Variants in MUC4 observed in about 807,000 individuals in gnomAD.
The protein encoded by MUC4 is mucin-4.
A neutral mutation model predicts 257.9 loss-of-function variants in MUC4; 202 were observed. The ratio of observed to expected loss-of-function variants is 0.78; its 90% CI spans 0.70 to 0.88. The LOEUF (loss-of-function observed/expected upper bound fraction) is 0.88. Among genes scored for constraint, MUC4 ranks in the 40% least tolerant of loss-of-function variants. MUC4 has a pLI of 0.00. For missense variants in MUC4, 5,976 were observed against 6,513.7 expected (o/e 0.92, Z 2.84); for synonymous variants, 2,351 against 2,757.1 (o/e 0.85, Z 4.62).
In MUC4 at chr3:195,790,161, T is replaced by C. The variant is rs1235675602; in HGVS notation, c.1419A>G (p.Pro473=). 7.4e-6 allele frequency: 12 copies of C among 1,613,916 alleles called. No homozygotes were observed. The Admixed American group carries it at 2.0e-4, about 27-fold the overall frequency. Residue 473 remains proline, a synonymous_variant, in exon 2 of 25, where the codon CCA becomes CCG. Coordinates refer to ENST00000463781, the MANE Select transcript of MUC4 (RefSeq NM_018406.7). Reference sequence around the variant, plus strand: ...GAGTAAATATTTCTTGAGACACACCTGGAGAGAATGAGCTCCTCTCATGAG... The same window carrying C: ...GAGTAAATATTTCTTGAGACACACCCGGAGAGAATGAGCTCCTCTCATGAG... ...GRPHERSSFS[P]GVSQEIFTLH... is the part of the protein sequence containing the mutation.
chr3:195,804,583 C>T (rs1397175062), intron 1 of MUC4, among the ~76,000 whole-genome samples: 1 of 152,246 alleles, frequency 6.6e-6, no homozygotes, highest in African/African-American at 2.4e-5. Flanking sequence ...ACCCGTAAGC[C>T]GTATCGCCAC....
chr3:195,761,646 C>G (rs761111936), intron 14 of MUC4, 61 bp from the exon 15 acceptor site: 1 of 1,334,142 alleles, frequency 7.5e-7, no homozygotes, highest in Non-Finnish European at 1.1e-6. Flanking sequence ...TCCTGGGGAG[C>G]ATCCGGCGGA....
In MUC4 at chr3:195,778,827, T is replaced by A. The variant is rs747285719; in HGVS notation, c.12753A>T (p.Thr4251=). 3.7e-6 allele frequency: 6 copies of A among 1,612,174 alleles called. No homozygotes were observed. The African/African-American group carries it at 8.0e-5, about 22-fold the overall frequency. Residue 4251 remains threonine, a synonymous_variant, in exon 2 of 25, where the codon ACA becomes ACT. Coordinates refer to ENST00000463781, the MANE Select transcript of MUC4 (RefSeq NM_018406.7). The part of the protein sequence containing the change: ...LAVSSATSAS[T]VSSDSPLKME... Reference sequence around the variant, plus strand: ...TCTTCAGAGGGGAGTCCGAGGATACTGTGGAAGCTGAGGTAGCACTGCTGA... The same window carrying A: ...TCTTCAGAGGGGAGTCCGAGGATACAGTGGAAGCTGAGGTAGCACTGCTGA...
Position 195,762,234 on chromosome 3 carries a change from T to C in MUC4, c.14365A>G (p.Thr4789Ala). 6.3e-7 allele frequency: 1 copy of C among 1,587,532 alleles called. No individual in the cohort carries two copies. The highest frequency in any genetic ancestry group is 8.6e-7 in the Non-Finnish European group (1 of 1,167,496). ...DGGGQETFNA[T>A]GVLLSRNGSE... ...CCGTTGCGGCTCAGGAGGACTCCGGTGGCGTTGAACGTCTCCTGGCCTGGA... is the reference window on the plus strand; with the variant it reads ...CCGTTGCGGCTCAGGAGGACTCCGGCGGCGTTGAACGTCTCCTGGCCTGGA... Residue 4789 changes from threonine to alanine, a missense_variant, in exon 14 of 25, where the codon ACC becomes GCC. By Grantham distance (58) the Thr-to-Ala change is moderately conservative. This residue lies in a region of MUC4 where 996 missense variants were observed against 1,137.3 expected (regional missense o/e 0.88). Coordinates refer to ENST00000463781, the MANE Select transcript of MUC4 (RefSeq NM_018406.7).
In MUC4 at chr3:195,746,916, G is replaced by T. The variant is rs568062164; in HGVS notation, c.*260C>A. The T allele has an allele frequency of 1.7e-6, 1 of 588,386 alleles. No homozygotes were observed. The highest frequency in any genetic ancestry group is 2.2e-5 in the South Asian group (1 of 46,194). The allele number at this position is 588,386 out of a possible 1,614,324, so 36.4% of individuals were successfully genotyped here. The stretch of plus-strand genomic sequence containing the variant: ...TGTGTGTGTGTGTGTGCACGCGCGC[G>T]TGCACAGGCTAGTGTCCTTCTGTGG... On this transcript the variant is annotated 3_prime_UTR_variant, in exon 25 of 25. Transcript: ENST00000463781.
Position 195,783,097 on chromosome 3 carries a change from C to A in MUC4, c.8483G>T (p.Gly2828Val), listed in dbSNP as rs761700619. The A allele has an allele frequency of 4.8e-5, 34 of 704,510 alleles. 5 individuals are homozygous for A. In the Admixed American group the frequency reaches 7.7e-4, roughly 16 times the overall value. The allele number at this position is 704,510 out of a possible 1,614,324, so 43.6% of individuals were successfully genotyped here. A position where few individuals can be genotyped will look rare whatever the true frequency, so the allele number is the denominator to read the frequency against. ...GGTGACAGGAAGAGAGGTGGCATGA[C>A]CTGTGAACACTGAGGAAGCGTCGGT... ...PVTDASSVFT[G>V]HATSLPVTIP... Residue 2828 changes from glycine (G) to valine (V), a missense_variant, in exon 2 of 25, where the codon GGT (glycine) becomes GTT (valine). By Grantham distance (109) the Gly-to-Val change is moderately radical (BLOSUM62 -3). Coordinates refer to ENST00000463781, the MANE Select transcript of MUC4 (RefSeq NM_018406.7).
At chr3:195,762,800 G>T in intron 13 of MUC4, 55 bp downstream of exon 13, 2 of 1,040,814 alleles carry the variant, frequency 1.9e-6, no homozygotes, top group Non-Finnish European at 1.3e-6. Flanking sequence ...GCGGCTTCCC[G>T]CCCACCTCGC....
intron 1 of MUC4, among the ~76,000 whole-genome samples, chr3:195,793,324 C>A (rs1210050974): frequency 6.6e-6 from 1 of 151,700 alleles, no homozygotes; most frequent in Non-Finnish European, 1.5e-5. Flanking sequence ...TGGCAAAACC[C>A]CGTCTCTACT....
chr3:195,805,739 T>G (rs1218994871), intron 1 of MUC4, among the ~76,000 whole-genome samples: 2 of 150,560 alleles, frequency 1.3e-5, no homozygotes, highest in African/African-American at 4.9e-5. Flanking sequence ...TCAAGTGATC[T>G]GCCCGCTTCA....
At chr3:195,753,956 T>G in intron 19 of MUC4, 1 of 422,054 alleles carries the variant, frequency 2.4e-6, no homozygotes, top group East Asian at 3.8e-5. Flanking sequence ...CCCAGCCCCG[T>G]CCCCTCCCCT....
intron 21 of MUC4, chr3:195,751,628 C>T (rs777719667): frequency 7.1e-5 from 20 of 282,244 alleles, no homozygotes; most frequent in South Asian, 1.2e-4. Flanking sequence ...AGGAGATGGT[C>T]GGGGCTGGGG....
In MUC4 at chr3:195,788,596, A is replaced by G; in HGVS notation, c.2984T>C (p.Val995Ala). 3.2e-6 allele frequency: 5 copies of G among 1,578,648 alleles called. No individual in the cohort carries two copies. Among genetic ancestry groups the G allele is most frequent in the Non-Finnish European group, 4.3e-6 (5 of 1,161,340 alleles). The part of the protein sequence containing the change: ...ASTGHTTPLH[V>A]TDASSVSTGH... Reference sequence around the variant, plus strand: ...TGTGGATACTGAGGAAGCATCGGTGACATGAAGAGGGGTGGTGTGACCTGT... The same window carrying G: ...TGTGGATACTGAGGAAGCATCGGTGGCATGAAGAGGGGTGGTGTGACCTGT... Residue 995 changes from valine to alanine, a missense_variant, in exon 2 of 25, where the codon GTC becomes GCC. Transcript: ENST00000463781.
intron 7 of MUC4, among the ~76,000 whole-genome samples, chr3:195,766,978 C>T (rs1053333831): frequency 1.3e-5 from 2 of 152,132 alleles, no homozygotes; most frequent in African/African-American, 2.4e-5. Context: ...CACATCTGAT[C>T]GCTAGCTGCA....
chr3:195,751,688 G>C (rs1716478668), intron 21 of MUC4: 1 of 280,564 alleles, frequency 3.6e-6, no homozygotes, highest in African/African-American at 2.2e-5. Context: ...GCATTGTCTG[G>C]CGCAGGTGAC....
Position 195,780,521 on chromosome 3 carries a change from A to T in MUC4, c.11059T>A (p.Ser3687Thr). 1.0e-6 allele frequency: 1 copy of T among 1,004,340 alleles called. No individual in the cohort carries two copies. 62.2% of individuals were successfully genotyped at this position (1,004,340 alleles called of 1,614,324 possible). ...GTGGCCTGACCTGTGGATGCTGAGG[A>T]AGTGTCCGTGACAGGAAGACGGGTG... ...DTTRLPVTDT[S>T]SASTGQATPL... The change falls in exon 2 of 25, where the codon TCC becomes ACC. Residue 3687 changes from serine to threonine, a missense_variant. Ser to Thr is a moderately conservative substitution (Grantham distance 58). Around this residue, in one of 44 missense-constraint regions of MUC4, gnomAD observed 330 missense variants for 262.0 expected, o/e 1.26. Coordinates refer to ENST00000463781, the MANE Select transcript of MUC4 (RefSeq NM_018406.7).
intron 1 of MUC4, 26 bp from the exon 2 acceptor site, chr3:195,791,523 A>G (rs1385439761): frequency 6.8e-7 from 1 of 1,479,942 alleles, no homozygotes; most frequent in East Asian, 2.3e-5. Context: ...ATAGGCAAGC[A>G]GAGAGCTAAA....
In MUC4 at chr3:195,780,421, G is replaced by A. The variant is rs1727031090; in HGVS notation, c.11159C>T (p.Ser3720Leu). Residue 3720 changes from serine to leucine, a missense_variant, in exon 2 of 25, where the codon TCA becomes TTA. By Grantham distance (145) the Ser-to-Leu change is moderately radical. Around this residue, in one of 44 missense-constraint regions of MUC4, gnomAD observed 330 missense variants for 262.0 expected, o/e 1.26. Transcript: ENST00000463781. Reference sequence around the variant, plus strand: ...AGGGGTGACGTGACCTGTAGATACTGAGGAAGTGCTGGTGACAGGAAGAGG... The same window carrying A: ...AGGGGTGACGTGACCTGTAGATACTAAGGAAGTGCTGGTGACAGGAAGAGG... ...TTPLPVTSTS[S>L]VSTGHVTPLH... 6.5e-7 allele frequency: 1 copy of A among 1,543,116 alleles called. No homozygotes were observed. Among genetic ancestry groups the A allele is most frequent in the Non-Finnish European group, 8.7e-7 (1 of 1,146,984 alleles).
At chr3:195,798,683 GAC>G (rs1421965543) in intron 1 of MUC4, among the ~76,000 whole-genome samples, 1 of 151,852 alleles carries the variant, frequency 6.6e-6, no homozygotes, top group African/African-American at 2.4e-5. Context: ...CTGCCTGGGT[GAC>G]AGAGTGAGAC....
At chr3:195,804,179 GCT>G (rs1252313896) in intron 1 of MUC4, among the ~76,000 whole-genome samples, 2 of 152,202 alleles carry the variant, frequency 1.3e-5, no homozygotes, top group Non-Finnish European at 2.9e-5. Context: ...GTCCTTGAAG[GCT>G]CTGTCAAGCC....
Sources: gnomAD v4.1 joint callset for allele counts (sites outside exome capture counted in the v4.1 genomes callset) on GRCh38, gnomAD v4.1.1 for gene constraint, gnomAD v4.1.1 regional missense constraint, MANE v1.5 for transcripts, NCBI Gene and HGNC (gene_info 2026-07-23, HGNC 2026-07-21) for gene names.